The following MCTP2 variants were observed in gnomAD, a reference collection of about 807,000 sequenced individuals.
MCTP2 encodes multiple C2 and transmembrane domain-containing protein 2.
Under a neutral mutation model 111.6 loss-of-function variants are expected in MCTP2, and 132 were observed. That is an observed-to-expected ratio of 1.18 (90% CI 1.03 to 1.37). MCTP2 has a LOEUF of 1.37. Ranked by LOEUF, MCTP2 falls within the 40% of genes most tolerant of loss-of-function variation. The pLI, the probability that MCTP2 is intolerant of heterozygous loss-of-function variation, is 0.00. For synonymous variants in MCTP2, 395 were observed against 387.7 expected, an observed-to-expected ratio of 1.02 and a Z score of -0.22; for missense variants, 1,183 against 1,067.9, an observed-to-expected ratio of 1.11 and a Z score of -1.50.
intron 1 of MCTP2, among the ~76,000 whole-genome samples, chr15:94,233,119 C>A (rs1444510232): frequency 3.3e-5 from 5 of 151,980 alleles, no homozygotes; most frequent in Non-Finnish European, 5.9e-5. Context: ...TATAAGAATT[C>A]AAATTTATAT....
chr15:94,416,534 GT>G (rs2152490259), intron 17 of MCTP2, among the ~76,000 whole-genome samples: 1 of 152,164 alleles, frequency 6.6e-6, no homozygotes, highest in African/African-American at 2.4e-5. Context: ...CACACTGTTG[GT>G]AGATTACACT....
intron 1 of MCTP2, among the ~76,000 whole-genome samples, chr15:94,288,080 G>A (rs1001069628): frequency 4.6e-5 from 7 of 152,182 alleles, no homozygotes; most frequent in African/African-American, 1.7e-4. Context: ...TTAGGGAGGG[G>A]CATATGCTTT....
chr15:94,241,829 A>G (rs1323509013), intron 1 of MCTP2, among the ~76,000 whole-genome samples: 1 of 152,000 alleles, frequency 6.6e-6, no homozygotes, highest in African/African-American at 2.4e-5. Context: ...GTGAGATAAT[A>G]GGGCTTTTTA....
upstream of MCTP2, chr15:94,231,511 G>A: frequency 6.6e-6 from 1 of 152,358 alleles, no homozygotes; most frequent in Non-Finnish European, 1.5e-5. Flanking sequence ...CGGTGGGGGG[G>A]CCCGAGGAAG....
rs372156135 is a variant in MCTP2 at position 94,276,105 on chromosome 15, A to C, written c.-65-22096A>C. On this transcript the variant is annotated intron_variant, in intron 1 of 22. Coordinates refer to ENST00000357742, the MANE Select transcript of MCTP2 (RefSeq NM_001385001.1). ...GTGATCCGCCCGCCTTGGCCTCCCA[A>C]AGTGCTGGGATTACAGGTGTGAGCC... Among the ~76,000 whole-genome samples the C allele has an allele frequency of 2.8e-4, 42 of 152,188 alleles. No individual in the cohort carries two copies. In the East Asian group the frequency reaches 6.2e-3, roughly 22 times the overall value.
intron 1 of MCTP2, among the ~76,000 whole-genome samples, chr15:94,248,247 T>C (rs991963468): frequency 2.0e-5 from 3 of 152,100 alleles, no homozygotes; most frequent in African/African-American, 7.2e-5. Flanking sequence ...GGAAACAAAA[T>C]CCCTACACTT....
intron 19 of MCTP2, among the ~76,000 whole-genome samples, chr15:94,452,165 A>G (rs1449084990): frequency 6.6e-6 from 1 of 152,170 alleles, no homozygotes; most frequent in African/African-American, 2.4e-5. Context: ...TCAGTTTCCT[A>G]TACATGGAAA....
At chr15:94,429,435 T>C (rs969035185) in intron 17 of MCTP2, among the ~76,000 whole-genome samples, 4 of 152,194 alleles carry the variant, frequency 2.6e-5, no homozygotes, top group Non-Finnish European at 4.4e-5. Context: ...CTCACTCTTA[T>C]CTCATTTTTG....
intron 1 of MCTP2, among the ~76,000 whole-genome samples, chr15:94,236,982 A>T (rs182791587): frequency 3.7e-4 from 57 of 152,136 alleles, no homozygotes; most frequent in Admixed American, 3.1e-3. Flanking sequence ...GGGCCTGTGG[A>T]TCAGGTTTGA....
intron 21 of MCTP2, among the ~76,000 whole-genome samples, chr15:94,473,209 G>T (rs964883092): frequency 6.6e-6 from 1 of 151,954 alleles, no homozygotes; most frequent in Non-Finnish European, 1.5e-5. Flanking sequence ...AATATTTTTG[G>T]ACACACCAAA....
chr15:94,289,795 A>G (rs1424379314), intron 1 of MCTP2, among the ~76,000 whole-genome samples: 1 of 152,162 alleles, frequency 6.6e-6, no homozygotes, highest in African/African-American at 2.4e-5. Context: ...CCACATCCTT[A>G]TCCCAGGATC....
chr15:94,283,664 A>G (rs2074611353), intron 1 of MCTP2, among the ~76,000 whole-genome samples: 1 of 152,074 alleles, frequency 6.6e-6, no homozygotes, highest in Admixed American at 6.6e-5. Flanking sequence ...TGGGGTCTAC[A>G]TCCTCCCTCT....
At chr15:94,458,667 G>T (rs1201949973) in intron 20 of MCTP2, among the ~76,000 whole-genome samples, 2 of 152,168 alleles carry the variant, frequency 1.3e-5, no homozygotes, top group African/African-American at 4.8e-5. Context: ...TCCAAAGAAA[G>T]ATACACATCT....
intron 20 of MCTP2, among the ~76,000 whole-genome samples, chr15:94,463,542 TTTC>T (rs1220757464): frequency 6.6e-6 from 1 of 152,212 alleles, no homozygotes; most frequent in African/African-American, 2.4e-5. Flanking sequence ...AGAATAATTT[TTTC>T]TTCATCTTTC....
rs1169391326 is a variant in MCTP2, at chr15:94,315,633, C to T, written c.633C>T (p.Arg211=). The T allele has an allele frequency of 5.0e-6, 8 of 1,612,862 alleles. No homozygotes were observed. The highest frequency in any genetic ancestry group is 6.8e-6 in the Non-Finnish European group (8 of 1,178,922). ...KEGRNLVVRD[R]CGTSDPYVKF... Reference sequence around the variant, plus strand: ...GCCGGAACCTGGTTGTCCGAGATCGCTGTGGTAAGACCTGGGTCTGTTATG... The same window carrying T: ...GCCGGAACCTGGTTGTCCGAGATCGTTGTGGTAAGACCTGGGTCTGTTATG... Residue 211 remains arginine (R), a synonymous_variant, in exon 4 of 23, where the codon CGC becomes CGT. Coordinates refer to ENST00000357742, the MANE Select transcript of MCTP2 (RefSeq NM_001385001.1).
chr15:94,430,393 TCACACACACA>T (rs35129445), intron 17 of MCTP2, among the ~76,000 whole-genome samples: 2,242 of 107,184 alleles, frequency 0.021, 30 homozygotes, highest in Non-Finnish European at 0.028. Flanking sequence ...CCAAAAACAA[TCACACACACA>T]CACACACACA....
In MCTP2 at chr15:94,298,236, AGAAG is replaced by A. The variant is rs778993290; in HGVS notation, c.-29_-26del. 6.5e-7 allele frequency: 1 copy of A among 1,547,886 alleles called. No individual in the cohort carries two copies. Among genetic ancestry groups the A allele is most frequent in the Non-Finnish European group, 8.7e-7 (1 of 1,145,640 alleles). On this transcript the variant is annotated 5_prime_UTR_variant, in exon 2 of 23. It adds an upstream start codon to the 5' untranslated region. Coordinates refer to ENST00000357742, the MANE Select transcript of MCTP2 (RefSeq NM_001385001.1). ...AGTTTTCAGTAGAGGTGTACTTCTG[AGAAG>A]TGGCTTCTTGGGTCTTCATGCAGCC...
At chr15:94,303,156 T>A (rs2075723758) in intron 2 of MCTP2, among the ~76,000 whole-genome samples, 1 of 133,258 alleles carries the variant, frequency 7.5e-6, no homozygotes, top group Non-Finnish European at 1.6e-5. Flanking sequence ...TATAGTTCTG[T>A]CTAGAGGGAC....
At chr15:94,419,227 C>A (rs143227873) in intron 17 of MCTP2, among the ~76,000 whole-genome samples, 21 of 152,188 alleles carry the variant, frequency 1.4e-4, no homozygotes, top group African/African-American at 3.1e-4. Context: ...AGCCAGACAC[C>A]AAGTCTGATA....
Sources: allele counts gnomAD v4.1 joint callset (sites outside exome capture counted in the v4.1 genomes callset), GRCh38; gene constraint gnomAD v4.1.1; transcripts MANE v1.5; gene names NCBI Gene and HGNC (gene_info 2026-07-23, HGNC 2026-07-21).